Variants in L2HGDH observed in about 807,000 individuals in gnomAD.
L2HGDH encodes L-2-hydroxyglutarate dehydrogenase, mitochondrial.
L2HGDH carries 34 observed loss-of-function variants against 51.5 expected under a neutral mutation model. That is an observed-to-expected ratio of 0.66 (90% CI 0.50 to 0.88). The LOEUF (loss-of-function observed/expected upper bound fraction) is 0.88, where lower values mean the gene tolerates loss of function less well. Ranked by LOEUF, L2HGDH falls within the 40% of genes least tolerant of loss-of-function variation. The probability of loss-of-function intolerance (pLI) is 0.00; values close to 1 mark genes in which losing one functional copy is unlikely to be tolerated. For missense variants in L2HGDH, 558 were observed against 571.9 expected (o/e 0.98, Z 0.25); for synonymous variants, 198 against 197.9 (o/e 1.00, Z -0.01).
At chr14:50,259,311 C>T (rs1236882085) in intron 9 of L2HGDH, among the ~76,000 whole-genome samples, 2 of 151,064 alleles carry the variant, frequency 1.3e-5, no homozygotes, top group African/African-American at 4.9e-5. Flanking sequence ...GATGGCATAC[C>T]ACTTCACTTC....
chr14:50,312,179 C>A lies in L2HGDH; in HGVS notation c.-29G>T, dbSNP rs370435252. 58 of 1,607,256 alleles carry A rather than the reference C, an allele frequency of 3.6e-5. No individual in the cohort carries two copies. The highest frequency in any genetic ancestry group is 1.1e-4 in the African/African-American group (8 of 75,016). On this transcript the variant is annotated 5_prime_UTR_variant, in exon 1 of 10. Coordinates refer to ENST00000267436, the MANE Select transcript of L2HGDH (RefSeq NM_024884.3). The stretch of plus-strand genomic sequence containing the variant: ...CTACGCACGCTCCCCTCCCTCAGCG[C>A]TCAGAAGAAGCCACTTGACCCTCCA...
rs1890414487 is a variant in L2HGDH at position 50,283,879 on chromosome 14, C to A, written c.695G>T (p.Ser232Ile). ...IEMAKESPSR[S>I]IDGMQYPIVI... is the part of the protein sequence containing the mutation. ...AGACAAGGATGGCTTACCATCTATA[C>A]TTCTTGAAGGACTTTCTTTAGCCAT... Residue 232 changes from serine to isoleucine, a missense_variant, in exon 5 of 10, where the codon AGT (serine) becomes ATT (isoleucine). This residue lies in a region of L2HGDH where 321 missense variants were observed against 311.8 expected (regional missense o/e 1.03). Transcript: ENST00000267436. 2 of 1,613,766 alleles carry A rather than the reference C, an allele frequency of 1.2e-6. No individual in the cohort carries two copies. Among genetic ancestry groups the A allele is most frequent in the African/African-American group, 2.7e-5 (2 of 74,890 alleles).
At chr14:50,292,706 A>AAAAT in intron 4 of L2HGDH, among the ~76,000 whole-genome samples, 2 of 152,164 alleles carry the variant, frequency 1.3e-5, no homozygotes, top group East Asian at 3.9e-4. Context: ...ACTCCATCTC[A>AAAAT]AAATAAATAA....
chr14:50,297,629 G>C (rs2030141443), intron 3 of L2HGDH, among the ~76,000 whole-genome samples: 1 of 152,108 alleles, frequency 6.6e-6, no homozygotes, highest in African/African-American at 2.4e-5. Context: ...CTTCTCCCCA[G>C]CACATGGATC....
chr14:50,260,314 A>G (rs1400026763), intron 9 of L2HGDH, among the ~76,000 whole-genome samples: 1 of 152,202 alleles, frequency 6.6e-6, no homozygotes, highest in Non-Finnish European at 1.5e-5. Context: ...TCTACCTTGT[A>G]TAGACCCAAG....
At chr14:50,285,679 GT>G in intron 4 of L2HGDH, among the ~76,000 whole-genome samples, 1 of 152,184 alleles carries the variant, frequency 6.6e-6, no homozygotes, top group Non-Finnish European at 1.5e-5. Context: ...TCAATCAATA[GT>G]TTTTTGCAAT....
intron 5 of L2HGDH, among the ~76,000 whole-genome samples, chr14:50,281,856 T>C (rs1280070083): frequency 1.3e-5 from 2 of 152,140 alleles, no homozygotes; most frequent in Non-Finnish European, 2.9e-5. Flanking sequence ...TTTGTGTGTG[T>C]GTGTGACGGA....
intron 5 of L2HGDH, among the ~76,000 whole-genome samples, chr14:50,280,297 G>C (rs1890194665): frequency 6.6e-6 from 1 of 151,658 alleles, no homozygotes; most frequent in Admixed American, 6.6e-5. Flanking sequence ...CTCCTGAGTA[G>C]CTGGGATTAC....
At position 50,309,957 on chromosome 14, in the gene L2HGDH, AG is replaced by A. The variant is rs745459938; in HGVS notation, c.140+2053del. Among the ~76,000 whole-genome samples, 48 of 152,078 alleles carry A rather than the reference AG, an allele frequency of 3.2e-4. No individual in the cohort carries two copies. The Middle Eastern group carries it at 0.014, about 43-fold the overall frequency. ...CTATCCTCCCACCTCGGCCTCCCAA[AG>A]TGCTGAGATTATAGGCATGAGCCAG... On this transcript the variant is annotated intron_variant, in intron 1 of 9. Transcript: ENST00000267436.
chr14:50,262,834 A>G (rs1889113695), intron 9 of L2HGDH, among the ~76,000 whole-genome samples: 1 of 151,944 alleles, frequency 6.6e-6, no homozygotes, highest in Admixed American at 6.6e-5. Flanking sequence ...TATAGGAATC[A>G]AGAGACGAAG....
In L2HGDH at chr14:50,269,231, G is replaced by C. The variant is rs1490698418; in HGVS notation, c.838C>G (p.Pro280Ala). Reference sequence around the variant, plus strand: ...AAAAGCAGGTAATCTCCCCGGAATGGTACAATTCGAGGATCAGGAGTGCAG... The same window carrying C: ...AAAAGCAGGTAATCTCCCCGGAATGCTACAATTCGAGGATCAGGAGTGCAG... Reference protein sequence around the residue: ...SGCTPDPRIVPFRGDYLLLKP... With the variant: ...SGCTPDPRIVAFRGDYLLLKP... The change falls in exon 7 of 10, where the codon CCA (proline) becomes GCA (alanine). Residue 280 changes from proline to alanine, a missense_variant. By Grantham distance (27) the Pro-to-Ala change is conservative. Coordinates refer to ENST00000267436, the MANE Select transcript of L2HGDH (RefSeq NM_024884.3). 2.5e-6 allele frequency: 4 copies of C among 1,613,844 alleles called. No homozygotes were observed. The Admixed American group carries it at 6.7e-5, about 27-fold the overall frequency.
intron 9 of L2HGDH, among the ~76,000 whole-genome samples, chr14:50,260,377 A>C (rs1489248272): frequency 3.3e-5 from 5 of 152,210 alleles, no homozygotes; most frequent in African/African-American, 1.2e-4. Flanking sequence ...CTAATGTCCT[A>C]TATCTTGTTC....
rs1887924304 is a variant in L2HGDH, at chr14:50,244,680, G to A, written c.*2378C>T. ...CTGGGATGTGCTACTTCTTAAACAT[G>A]AGCTGATGAAGTGTAGCCTTTCAAA... On this transcript the variant is annotated 3_prime_UTR_variant, in exon 10 of 10. Coordinates refer to ENST00000267436, the MANE Select transcript of L2HGDH (RefSeq NM_024884.3). 2 of 985,438 alleles carry A rather than the reference G, an allele frequency of 2.0e-6. No individual in the cohort carries two copies. Among genetic ancestry groups the A allele is most frequent in the South Asian group, 4.7e-5 (1 of 21,294 alleles). The allele number at this position is 985,438 out of a possible 1,614,324, so 61.0% of individuals were successfully genotyped here. A position where few individuals can be genotyped will look rare whatever the true frequency, so the allele number is the denominator to read the frequency against.
intron 9 of L2HGDH, among the ~76,000 whole-genome samples, chr14:50,248,537 CAG>C (rs1169586024): frequency 6.6e-6 from 1 of 152,164 alleles, no homozygotes; most frequent in Non-Finnish European, 1.5e-5. Flanking sequence ...CAAAGAAACA[CAG>C]AGAGATTAAG....
chr14:50,266,952 CT>C (rs1889369417), intron 8 of L2HGDH, among the ~76,000 whole-genome samples: 1 of 152,070 alleles, frequency 6.6e-6, no homozygotes, highest in South Asian at 2.1e-4. Flanking sequence ...AAGGAAATTA[CT>C]TTGGTCATCA....
At chr14:50,285,128 A>G (rs1329140979) in intron 4 of L2HGDH, among the ~76,000 whole-genome samples, 2 of 152,050 alleles carry the variant, frequency 1.3e-5, no homozygotes, top group African/African-American at 4.8e-5. Context: ...GCACCTGTAG[A>G]CCCAGCTACT....
chr14:50,274,032 C>T (rs540545200), intron 6 of L2HGDH, among the ~76,000 whole-genome samples: 94 of 152,140 alleles, frequency 6.2e-4, no homozygotes, highest in African/African-American at 2.2e-3. Context: ...GAGCCGAGAT[C>T]GCGCTATTGC....
At position 50,244,049 on chromosome 14, in the gene L2HGDH, A is replaced by G. The variant is rs2139915467; in HGVS notation, c.*3009T>C. On this transcript the variant is annotated 3_prime_UTR_variant, in exon 10 of 10. Coordinates refer to ENST00000267436, the MANE Select transcript of L2HGDH (RefSeq NM_024884.3). ...ATGGCTGCATAGTATTCCATGGTGT[A>G]TATGTGCCACATTTTCTTAATCCAG... 1.3e-5 allele frequency: 2 copies of G among 151,626 alleles called. No individual in the cohort carries two copies. Among genetic ancestry groups the G allele is most frequent in the South Asian group, 2.1e-4 (1 of 4,788 alleles). The allele number at this position is 151,626 out of a possible 1,614,324, so 9.4% of individuals were successfully genotyped here.
intron 6 of L2HGDH, among the ~76,000 whole-genome samples, chr14:50,277,541 C>A (rs1015537364): frequency 6.6e-6 from 1 of 151,548 alleles, no homozygotes; most frequent in Non-Finnish European, 1.5e-5. Flanking sequence ...TTTGGGAGGC[C>A]GAGGCGGGTG....
Sources: gnomAD v4.1 joint callset for allele counts (sites outside exome capture counted in the v4.1 genomes callset) on GRCh38, gnomAD v4.1.1 for gene constraint, gnomAD v4.1.1 regional missense constraint, MANE v1.5 for transcripts, NCBI Gene and HGNC (gene_info 2026-07-23, HGNC 2026-07-21) for gene names.